The following CACNA1C variants were observed in gnomAD, a reference collection of about 807,000 sequenced individuals.
CACNA1C encodes the protein calcium voltage-gated channel subunit alpha1 C.
CACNA1C carries 30 observed loss-of-function variants against 229.0 expected under a neutral mutation model. That is an observed-to-expected ratio of 0.13 (90% CI 0.10 to 0.18). CACNA1C has a LOEUF of 0.18. Among genes scored for constraint, CACNA1C ranks in the 10% least tolerant of loss-of-function variants. CACNA1C has a pLI of 1.00. For synonymous variants in CACNA1C, 1,114 were observed against 1,132.5 expected, an observed-to-expected ratio of 0.98 and a Z score of 0.33; for missense variants, 1,658 against 2,845.0, an observed-to-expected ratio of 0.58 and a Z score of 9.49.
chr12:1,978,449 AAAG>A (rs2035091160), intron 1 of CACNA1C, among the ~76,000 whole-genome samples: 1 of 152,232 alleles, frequency 6.6e-6, no homozygotes, highest in Non-Finnish European at 1.5e-5. Context: ...TCAGGAAAAT[AAAG>A]AAGGGTAAAA....
chr12:2,430,149 A>C (rs562781781), intron 3 of CACNA1C, among the ~76,000 whole-genome samples: 1 of 152,232 alleles, frequency 6.6e-6, no homozygotes, highest in South Asian at 2.1e-4. Flanking sequence ...CTGGTATAAC[A>C]GTCCTAATTT....
chr12:2,190,840 C>G (rs1469486946), intron 3 of CACNA1C, among the ~76,000 whole-genome samples: 1 of 152,126 alleles, frequency 6.6e-6, no homozygotes, highest in African/African-American at 2.4e-5. Flanking sequence ...ATACTTCTGC[C>G]GACAGGCTGT....
intron 9 of CACNA1C, among the ~76,000 whole-genome samples, chr12:2,542,525 G>A (rs1205569749): frequency 6.6e-6 from 1 of 152,178 alleles, no homozygotes; most frequent in Admixed American, 6.6e-5. Flanking sequence ...GCACCACCTG[G>A]TGTTTAATGG....
At chr12:2,473,439 T>C (rs1188343310) in intron 5 of CACNA1C, among the ~76,000 whole-genome samples, 1 of 152,226 alleles carries the variant, frequency 6.6e-6, no homozygotes, top group Non-Finnish European at 1.5e-5. Flanking sequence ...GAAACTGTTC[T>C]TAATTATAGT....
At chr12:2,204,966 A>G (rs570079339) in intron 3 of CACNA1C, among the ~76,000 whole-genome samples, 1 of 151,832 alleles carries the variant, frequency 6.6e-6, no homozygotes, top group East Asian at 1.9e-4. Context: ...TAAAAAAAAC[A>G]AAAACAAAAA....
At chr12:2,690,554 G>T (rs112435354) in intron 46 of CACNA1C, among the ~76,000 whole-genome samples, 1 of 152,148 alleles carries the variant, frequency 6.6e-6, no homozygotes, top group Non-Finnish European at 1.5e-5. Flanking sequence ...GCCTGGTCTC[G>T]AACTCCTGGG....
At chr12:2,397,486 G>T (rs143816177) in intron 3 of CACNA1C, among the ~76,000 whole-genome samples, 3 of 152,184 alleles carry the variant, frequency 2.0e-5, no homozygotes, top group African/African-American at 7.2e-5. Flanking sequence ...AGCAACACAC[G>T]TGCCGCGGAG....
chr12:2,056,830 G>T (rs1226827810), intron 1 of CACNA1C, among the ~76,000 whole-genome samples: 2 of 152,066 alleles, frequency 1.3e-5, no homozygotes, highest in Non-Finnish European at 2.9e-5. Context: ...ATATTAAAAA[G>T]AGTCAATTTT....
At chr12:2,298,953 G>A (rs926767032) in intron 3 of CACNA1C, among the ~76,000 whole-genome samples, 1 of 152,212 alleles carries the variant, frequency 6.6e-6, no homozygotes, top group Non-Finnish European at 1.5e-5. Context: ...ATAGGTTTGA[G>A]TATGTGTGTG....
chr12:2,387,464 G>A (rs1430238443), intron 3 of CACNA1C, among the ~76,000 whole-genome samples: 7 of 151,908 alleles, frequency 4.6e-5, no homozygotes, highest in Admixed American at 1.3e-4. Context: ...CAGCCTGGGC[G>A]ACAGATCAAG....
At chr12:2,370,427 A>G (rs1054263142) in intron 3 of CACNA1C, among the ~76,000 whole-genome samples, 3 of 152,250 alleles carry the variant, frequency 2.0e-5, no homozygotes, top group African/African-American at 7.2e-5. Flanking sequence ...CATGTATAAC[A>G]GCAAGAAAAG....
At position 2,504,425 on chromosome 12, in the gene CACNA1C, C is replaced by T. The variant is rs746270394; in HGVS notation, c.1114-417C>T. The T allele has an allele frequency of 9.9e-6, 15 of 1,518,578 alleles. No homozygotes were observed. In the Middle Eastern group the frequency reaches 1.9e-3, roughly 189 times the overall value. 94.1% of individuals were successfully genotyped at this position (1,518,578 alleles called of 1,614,324 possible). On this transcript the variant is annotated intron_variant, in intron 7 of 46. Coordinates refer to ENST00000399655, the MANE Select transcript of CACNA1C (RefSeq NM_000719.7). This position sits in a 1 kb window ranked among gnomAD's most constrained non-coding sequence, Gnocchi z 6.8. ...TGCTTCTTCTTTCCTAACTTTCCTT[C>T]GTCTTTCCAGATGCAGGACGCTATG...
Position 2,677,413 on chromosome 12 carries a change from A to C in CACNA1C, c.4956+192A>C. The C allele has an allele frequency of 1.6e-6, 1 of 644,872 alleles. No individual in the cohort carries two copies. The highest frequency in any genetic ancestry group is 2.6e-6 in the Non-Finnish European group (1 of 381,806). The allele number at this position is 644,872 out of a possible 1,614,324, so 39.9% of individuals were successfully genotyped here. On this transcript the variant is annotated intron_variant, in intron 40 of 46. Transcript: ENST00000399655. The surrounding 1 kb of genome is among the most constrained non-coding windows in gnomAD (Gnocchi z 7.4). ...ATGTGCCCTTCCCTACCTGCCACCC[A>C]CCGACTGCCCTCCATGGTTCTGCCT...
At chr12:2,402,292 A>T (rs2098689185) in intron 3 of CACNA1C, among the ~76,000 whole-genome samples, 2 of 152,258 alleles carry the variant, frequency 1.3e-5, no homozygotes, top group African/African-American at 2.4e-5. Flanking sequence ...GAGAAAGATA[A>T]TGAAATGAGT....
chr12:2,392,211 TAAGAG>T (rs2098495210), intron 3 of CACNA1C, among the ~76,000 whole-genome samples: 1 of 152,244 alleles, frequency 6.6e-6, no homozygotes, highest in Admixed American at 6.5e-5. Context: ...TTGTTAAACA[TAAGAG>T]AGAGAAATGT....
At chr12:2,356,374 A>G (rs1205744214) in intron 3 of CACNA1C, among the ~76,000 whole-genome samples, 3 of 152,254 alleles carry the variant, frequency 2.0e-5, no homozygotes, top group African/African-American at 7.2e-5. Context: ...GAAGGTTGGA[A>G]AAGTGCAGGA....
At chr12:2,502,689 C>CA (rs1331840672) in intron 7 of CACNA1C, among the ~76,000 whole-genome samples, 2 of 152,218 alleles carry the variant, frequency 1.3e-5, no homozygotes, top group Admixed American at 6.5e-5. Context: ...TCATACCAGT[C>CA]AGACTAGCTA....
At chr12:2,609,744 G>T (rs2076812367) in intron 27 of CACNA1C, among the ~76,000 whole-genome samples, 1 of 151,946 alleles carries the variant, frequency 6.6e-6, no homozygotes, top group South Asian at 2.1e-4. Context: ...CTTTGCCAGA[G>T]TCCCAAGAAT....
chr12:2,521,330 G>A (rs997176654), intron 9 of CACNA1C, among the ~76,000 whole-genome samples: 13 of 152,292 alleles, frequency 8.5e-5, no homozygotes, highest in African/African-American at 2.6e-4. Flanking sequence ...GGGAGCCACC[G>A]GGACCTCTCC....
Sources: allele counts gnomAD v4.1 joint callset (sites outside exome capture counted in the v4.1 genomes callset), GRCh38; gene constraint gnomAD v4.1.1; non-coding constraint Gnocchi (gnomAD v3.1); transcripts MANE v1.5; gene names NCBI Gene and HGNC (gene_info 2026-07-23, HGNC 2026-07-21).